NDUFB9: variants seen among roughly 807,000 people sequenced by gnomAD.
The protein encoded by NDUFB9 is NADH:ubiquinone oxidoreductase subunit B9.
In NDUFB9, 24 loss-of-function variants were observed where a neutral mutation model predicts 30.2. That is an observed-to-expected ratio of 0.80 (90% CI 0.58 to 1.12). NDUFB9 has a LOEUF of 1.12. Ranked by LOEUF, NDUFB9 falls within the 50% of genes most tolerant of loss-of-function variation. NDUFB9 has a pLI of 0.00. For synonymous variants in NDUFB9, 80 were observed against 84.0 expected (o/e 0.95, Z 0.26); for missense variants, 204 against 226.0 (o/e 0.90, Z 0.62).
chr8:124,545,015 G>A (rs917485864), intron 2 of NDUFB9, among the ~76,000 whole-genome samples: 2 of 152,216 alleles, frequency 1.3e-5, no homozygotes, highest in Non-Finnish European at 2.9e-5. Context: ...TTCAGCAGAA[G>A]AAGTAACTGC....
At chr8:124,546,301 A>G (rs763073064) in intron 2 of NDUFB9, among the ~76,000 whole-genome samples, 7 of 152,188 alleles carry the variant, frequency 4.6e-5, no homozygotes, top group East Asian at 3.8e-4. Context: ...TGTACTGTTC[A>G]AAGTCCTTTG....
rs141607351 is a variant in NDUFB9, at chr8:124,549,876, G to A, written c.524G>A (p.Arg175Gln). Residue 175 changes from arginine to glutamine, a missense_variant, in exon 4 of 4, where the codon CGG becomes CAG. Physicochemically the swap from Arg to Gln is conservative, Grantham distance 43. Transcript: ENST00000276689. Reference protein sequence around the residue: ...PLWWYIVTRPRERPM With the variant: ...PLWWYIVTRPQERPM Reference sequence around the variant, plus strand: ...TGGTGGTATATTGTGACCAGACCCCGGGAGCGGCCCATGTAGAAAGAGAGA... The same window carrying A: ...TGGTGGTATATTGTGACCAGACCCCAGGAGCGGCCCATGTAGAAAGAGAGA... The A allele has an allele frequency of 7.9e-5, 127 of 1,614,044 alleles. No homozygotes were observed. The African/African-American group carries it at 1.2e-3, about 15-fold the overall frequency.
At chr8:124,539,552 G>A in intron 1 of NDUFB9, 2 of 487,788 alleles carry the variant, frequency 4.1e-6, no homozygotes, top group Non-Finnish European at 7.4e-6. Flanking sequence ...AGGGTCGCAG[G>A]AAAATTAAGT....
In NDUFB9 at chr8:124,541,595, A is replaced by G. The variant is rs530038956; in HGVS notation, c.102-1492A>G. ...TACAGAGGAGGAACCCGTGGCCTAGAAGACTTTTTTTGTTTGTTTTTTTGT... is the reference window on the plus strand; with the variant it reads ...TACAGAGGAGGAACCCGTGGCCTAGGAGACTTTTTTTGTTTGTTTTTTTGT... On this transcript the variant is annotated intron_variant, in intron 1 of 3. Transcript: ENST00000276689. 1.9e-4 allele frequency among the ~76,000 whole-genome samples: 29 copies of G among 152,228 alleles called. No individual in the cohort carries two copies. In the South Asian group the frequency reaches 5.8e-3, roughly 30 times the overall value.
At chr8:124,546,910 T>C (rs1171560050) in intron 2 of NDUFB9, 90 bp from the exon 3 acceptor site, 33 of 892,512 alleles carry the variant, frequency 3.7e-5, no homozygotes, top group Non-Finnish European at 5.9e-5. Context: ...AAATATATCT[T>C]GATCTTTGTC....
At chr8:124,547,134 G>T in intron 3 of NDUFB9, 21 bp downstream of exon 3, 1 of 1,571,892 alleles carries the variant, frequency 6.4e-7, no homozygotes, top group Non-Finnish European at 8.8e-7. Flanking sequence ...CTTGTACTTC[G>T]TTATTCCTTA....
Position 124,543,193 on chromosome 8 carries a change from G to A in NDUFB9, c.208G>A (p.Glu70Lys). 6.2e-7 allele frequency: 1 copy of A among 1,614,250 alleles called. No homozygotes were observed. Among genetic ancestry groups the A allele is most frequent in the Non-Finnish European group, 8.5e-7 (1 of 1,180,044 alleles). Residue 70 changes from glutamate (E) to lysine (K), a missense_variant, in exon 2 of 4, where the codon GAA (glutamate) becomes AAA (lysine). Physicochemically the swap from Glu to Lys is moderately conservative, Grantham distance 56. Transcript: ENST00000276689. ...ATQLLKEAEE[E>K]FWYRQHPQPY... is the part of the protein sequence containing the mutation. ...CCAGCTGCTGAAGGAGGCCGAGGAAGAATTCTGGTACCGTCAGCATCCACA... is the reference window on the plus strand; with the variant it reads ...CCAGCTGCTGAAGGAGGCCGAGGAAAAATTCTGGTACCGTCAGCATCCACA...
chr8:124,539,472 C>A (rs959274071), intron 1 of NDUFB9, 185 bp downstream of exon 1: 18 of 610,770 alleles, frequency 2.9e-5, no homozygotes, highest in Middle Eastern at 8.8e-4. Flanking sequence ...GCCGGGAGAC[C>A]TTGTAGAGTT....
At chr8:124,549,702 C>G in intron 3 of NDUFB9, 59 bp from the exon 4 acceptor site, 1 of 1,546,586 alleles carries the variant, frequency 6.5e-7, no homozygotes, top group Non-Finnish European at 8.9e-7. Context: ...CTGCAGCAGA[C>G]AGATTTTTAT....
At position 124,549,926 on chromosome 8, in the gene NDUFB9, T is replaced by C. The variant is rs1030911883; in HGVS notation, c.*34T>C. 2.5e-6 allele frequency: 4 copies of C among 1,613,892 alleles called. No individual in the cohort carries two copies. In the African/African-American group the frequency reaches 5.3e-5, roughly 22 times the overall value. ...AGACCTCATCTTTCATGCTTGCAAG[T>C]GAAATATGTTACAGAACATGCACTT... On this transcript the variant is annotated 3_prime_UTR_variant, in exon 4 of 4. Transcript: ENST00000276689.
intron 2 of NDUFB9, among the ~76,000 whole-genome samples, chr8:124,544,855 G>A (rs1458809339): frequency 6.6e-6 from 1 of 151,918 alleles, no homozygotes; most frequent in African/African-American, 2.4e-5. Flanking sequence ...TGATGGATTT[G>A]GGCAAAGTAA....
rs1822231716 is a variant in NDUFB9 at position 124,548,758 on chromosome 8, G to A, written c.409-1003G>A. Among the ~76,000 whole-genome samples the A allele has an allele frequency of 4.6e-5, 7 of 152,286 alleles. No homozygotes were observed. In the South Asian group the frequency reaches 1.5e-3, roughly 32 times the overall value. ...TAAAAAAAAACAAAGTCAAGCCAGT[G>A]GGGGCAGATGCAGAGAGGGAAGGCC... On this transcript the variant is annotated intron_variant, in intron 3 of 3. Transcript: ENST00000276689.
At chr8:124,545,975 T>G (rs1015179679) in intron 2 of NDUFB9, among the ~76,000 whole-genome samples, 2 of 152,128 alleles carry the variant, frequency 1.3e-5, no homozygotes, top group Non-Finnish European at 2.9e-5. Context: ...CCCAAGTAGC[T>G]GGGATTACAG....
chr8:124,546,608 C>T (rs1273190291), intron 2 of NDUFB9: 2 of 278,592 alleles, frequency 7.2e-6, no homozygotes, highest in Non-Finnish European at 1.4e-5. Context: ...GTACAGTATA[C>T]TTTTTGCTAT....
In NDUFB9 at chr8:124,549,841, G is replaced by GC; in HGVS notation, c.494dup (p.Leu166ThrfsTer42). Reference sequence around the variant, plus strand: ...CCCCTGCCCGAAAGGAAGGTGATTTGCCCCCACTGTGGTGGTATATTGTGA... The same window carrying GC: ...CCCCTGCCCGAAAGGAAGGTGATTTGCCCCCCACTGTGGTGGTATATTGTGA... On this transcript the variant is annotated frameshift_variant, in exon 4 of 4. Coordinates refer to ENST00000276689, the MANE Select transcript of NDUFB9 (RefSeq NM_005005.3). LOFTEE classifies it high-confidence loss of function. 1 of 1,614,192 alleles carries GC rather than the reference G, an allele frequency of 6.2e-7. No individual in the cohort carries two copies. Among genetic ancestry groups the GC allele is most frequent in the Non-Finnish European group, 8.5e-7 (1 of 1,180,022 alleles).
In NDUFB9 at chr8:124,546,559, G is replaced by A. The variant is rs374970961; in HGVS notation, c.295-441G>A. ...GGTGTCAGTTTTCTCTCTCTGAGAC[G>A]TCATTAAGACTTTTCTTTCTACATT... On this transcript the variant is annotated intron_variant, in intron 2 of 3. Transcript: ENST00000276689. The A allele has an allele frequency of 9.2e-5, 18 of 194,896 alleles. No homozygotes were observed. In the East Asian group the frequency reaches 1.6e-3, roughly 17 times the overall value. 12.1% of individuals were successfully genotyped at this position (194,896 alleles called of 1,614,324 possible).
In NDUFB9 at chr8:124,541,851, C is replaced by T. The variant is rs1822004291; in HGVS notation, c.102-1236C>T. 2.6e-5 allele frequency among the ~76,000 whole-genome samples: 4 copies of T among 151,670 alleles called. 1 individual carries two copies. In the South Asian group the frequency reaches 8.3e-4, roughly 32 times the overall value. ...ACTCCTGACCTCAGGTGACCTCCAC[C>T]TCAGCCTCCCAAAGTGCTGGGATTA... is the stretch of plus-strand genomic sequence containing the variant. On this transcript the variant is annotated intron_variant, in intron 1 of 3. Transcript: ENST00000276689.
chr8:124,541,270 A>G (rs563332165), intron 1 of NDUFB9, among the ~76,000 whole-genome samples: 2 of 152,290 alleles, frequency 1.3e-5, no homozygotes, highest in South Asian at 4.1e-4. Flanking sequence ...GTCACTCCCC[A>G]TTCTGACTCT....
intron 1 of NDUFB9, among the ~76,000 whole-genome samples, chr8:124,540,672 C>G (rs1821926940): frequency 6.6e-6 from 1 of 152,180 alleles, no homozygotes; most frequent in South Asian, 2.1e-4. Context: ...GCTACTATGA[C>G]AGTTATGGCT....
Sources: gnomAD v4.1 joint callset for allele counts (sites outside exome capture counted in the v4.1 genomes callset) on GRCh38, gnomAD v4.1.1 for gene constraint, MANE v1.5 for transcripts, NCBI Gene and HGNC (gene_info 2026-07-23, HGNC 2026-07-21) for gene names.